Variants in SYT16 observed in about 807,000 individuals in gnomAD.
SYT16 encodes synaptotagmin 16, also known as synaptotagmin-16.
Under a neutral mutation model 61.4 loss-of-function variants are expected in SYT16, and 42 were observed. The observed-to-expected ratio is 0.68, with a 90% CI of 0.53 to 0.89. The LOEUF (loss-of-function observed/expected upper bound fraction) is 0.89, where lower values mean the gene tolerates loss of function less well. Ranked by LOEUF, SYT16 falls within the 40% of genes least tolerant of loss-of-function variation. The probability of loss-of-function intolerance (pLI) is 0.00; values close to 1 mark genes in which losing one functional copy is unlikely to be tolerated. For missense variants in SYT16, 804 were observed against 807.3 expected, an observed-to-expected ratio of 1.00 and a Z score of 0.05; for synonymous variants, 314 against 302.3, an observed-to-expected ratio of 1.04 and a Z score of -0.40.
chr14:62,057,415 A>G (rs1259024627), intron 3 of SYT16, among the ~76,000 whole-genome samples: 3 of 152,134 alleles, frequency 2.0e-5, no homozygotes, highest in Admixed American at 2.0e-4. Context: ...GGGACAGGGA[A>G]GAGGGTCCAA....
At chr14:61,825,087 A>G (rs1566610374) in intron 1 of SYT16, among the ~76,000 whole-genome samples, 2 of 152,238 alleles carry the variant, frequency 1.3e-5, no homozygotes, top group South Asian at 4.1e-4. Context: ...TTAGTCTGTC[A>G]TAGGTTATTC....
chr14:61,947,409 G>T (rs1275348010), intron 1 of SYT16, among the ~76,000 whole-genome samples: 1 of 151,618 alleles, frequency 6.6e-6, no homozygotes, highest in Non-Finnish European at 1.5e-5. Flanking sequence ...TTTGATAGTT[G>T]ACACAGCCCC....
chr14:61,993,824 T>G (rs2052655245), intron 2 of SYT16, among the ~76,000 whole-genome samples: 1 of 152,198 alleles, frequency 6.6e-6, no homozygotes, highest in Non-Finnish European at 1.5e-5. Flanking sequence ...ACATAATATA[T>G]GCTAGGTGTT....
chr14:62,028,124 G>T (rs1372592027), intron 3 of SYT16, among the ~76,000 whole-genome samples: 1 of 152,046 alleles, frequency 6.6e-6, no homozygotes, highest in East Asian at 1.9e-4. Flanking sequence ...GGCAGAATTT[G>T]CTCAGTTGTG....
In SYT16 at chr14:61,996,270, T is replaced by C. The variant is rs1334213017; in HGVS notation, c.251T>C (p.Leu84Ser). Residue 84 changes from leucine to serine, a missense_variant, in exon 3 of 8, where the codon TTG becomes TCG. By Grantham distance (145) the Leu-to-Ser change is moderately radical. Coordinates refer to ENST00000683842, the MANE Select transcript of SYT16 (RefSeq NM_001367656.1). ...NDWSQEDANS[L>S]FLEVDHFSCC... ...TGGAGTCAAGAGGATGCAAATTCCT[T>C]GTTTCTTGAAGTGGATCATTTCTCA... 1 of 1,613,492 alleles carries C rather than the reference T, an allele frequency of 6.2e-7. No individual in the cohort carries two copies. The highest frequency in any genetic ancestry group is 1.3e-5 in the African/African-American group (1 of 74,904).
intron 1 of SYT16, among the ~76,000 whole-genome samples, chr14:61,914,201 C>T (rs2049034750): frequency 6.6e-6 from 1 of 152,146 alleles, no homozygotes; most frequent in Admixed American, 6.5e-5. Context: ...TTCATGACTT[C>T]TGAAAACTCA....
chr14:61,960,456 T>C (rs2051071490), intron 1 of SYT16, among the ~76,000 whole-genome samples: 1 of 152,162 alleles, frequency 6.6e-6, no homozygotes. Flanking sequence ...TTATTCTTTT[T>C]GTGTCTATTG....
chr14:61,860,057 A>T (rs761044108), intron 1 of SYT16, among the ~76,000 whole-genome samples: 3 of 152,210 alleles, frequency 2.0e-5, no homozygotes, highest in Non-Finnish European at 4.4e-5. Flanking sequence ...AATTAGGCTC[A>T]ATAGTTGTCT....
intron 1 of SYT16, chr14:61,864,743 AC>A: frequency 3.0e-6 from 3 of 993,796 alleles, no homozygotes; most frequent in Non-Finnish European, 4.6e-6. Flanking sequence ...TCCACTCGCT[AC>A]CTGGTTAATG....
chr14:62,060,877 A>G (rs1005545385), intron 3 of SYT16, among the ~76,000 whole-genome samples: 12 of 152,028 alleles, frequency 7.9e-5, no homozygotes, highest in African/African-American at 1.9e-4. Context: ...TCTTCTTTCT[A>G]TAAGAGTTGT....
chr14:61,946,613 T>C (rs560024327), intron 1 of SYT16, among the ~76,000 whole-genome samples: 1 of 152,294 alleles, frequency 6.6e-6, no homozygotes, highest in Admixed American at 6.5e-5. Flanking sequence ...ATATTACTCC[T>C]CAGACATCCT....
At chr14:61,929,667 A>C (rs966281953) in intron 1 of SYT16, among the ~76,000 whole-genome samples, 1 of 152,172 alleles carries the variant, frequency 6.6e-6, no homozygotes, top group African/African-American at 2.4e-5. Flanking sequence ...ATGTCTCTGG[A>C]GAATGTGTTG....
intron 1 of SYT16, among the ~76,000 whole-genome samples, chr14:61,917,599 T>C (rs957164402): frequency 1.3e-5 from 2 of 152,194 alleles, no homozygotes; most frequent in Non-Finnish European, 2.9e-5. Context: ...CTTCTTGATA[T>C]TGTTTGAGTT....
intron 1 of SYT16, among the ~76,000 whole-genome samples, chr14:61,886,276 T>C (rs2140327752): frequency 6.6e-6 from 1 of 152,220 alleles, no homozygotes; most frequent in East Asian, 1.9e-4. Context: ...CTGTGGCAAT[T>C]TTTTAAAATA....
At chr14:61,919,072 A>G (rs575983787) in intron 1 of SYT16, among the ~76,000 whole-genome samples, 1 of 152,148 alleles carries the variant, frequency 6.6e-6, no homozygotes, top group Non-Finnish European at 1.5e-5. Flanking sequence ...TTCCAATTCA[A>G]TTCATTAGGT....
chr14:61,946,074 G>T (rs1353564459), intron 1 of SYT16, among the ~76,000 whole-genome samples: 3 of 152,074 alleles, frequency 2.0e-5, no homozygotes, highest in African/African-American at 7.2e-5. Flanking sequence ...TGAGGGGCTG[G>T]AGGAGAGATA....
rs370743208 is a variant in SYT16 at position 61,823,032 on chromosome 14, G to A, written c.-325+10222G>A. On this transcript the variant is annotated intron_variant, in intron 1 of 7. Transcript: ENST00000683842. ...TTTGAGACAGAGTTTCATTTTTGTC[G>A]CCCAGGTTGGAGTGCAGTAGCACGA... Among the ~76,000 whole-genome samples, 141 of 151,624 alleles carry A rather than the reference G, an allele frequency of 9.3e-4. 2 individuals carry two copies. The highest frequency in any genetic ancestry group is 3.0e-3 in the African/African-American group (126 of 41,314).
intron 3 of SYT16, among the ~76,000 whole-genome samples, chr14:62,041,882 C>T (rs1341696900): frequency 6.6e-6 from 1 of 152,128 alleles, no homozygotes; most frequent in Non-Finnish European, 1.5e-5. Flanking sequence ...TTGCTGTTTT[C>T]AAGCTCACTA....
rs142390728 is a variant in SYT16, at chr14:61,973,880, G to T, written c.-145+3569G>T. Among the ~76,000 whole-genome samples, 526 of 152,292 alleles carry T rather than the reference G, an allele frequency of 3.5e-3. 4 individuals are homozygous for T. Among genetic ancestry groups the T allele is most frequent in the African/African-American group, 0.012 (513 of 41,564 alleles). Reference sequence around the variant, plus strand: ...GAAAGGAAAGAGGTTTGGAGACCATGAAGTGTTTCCTGGACCAGACCCTGA... The same window carrying T: ...GAAAGGAAAGAGGTTTGGAGACCATTAAGTGTTTCCTGGACCAGACCCTGA... On this transcript the variant is annotated intron_variant, in intron 2 of 7. Coordinates refer to ENST00000683842, the MANE Select transcript of SYT16 (RefSeq NM_001367656.1).
Sources: allele counts gnomAD v4.1 joint callset (sites outside exome capture counted in the v4.1 genomes callset), GRCh38; gene constraint gnomAD v4.1.1; transcripts MANE v1.5; gene names NCBI Gene and HGNC (gene_info 2026-07-23, HGNC 2026-07-21).